The following PLEKHM3 variants were observed in gnomAD, a reference collection of about 807,000 sequenced individuals.
PLEKHM3 encodes the protein pleckstrin homology domain-containing family M member 3.
Under a neutral mutation model 81.8 loss-of-function variants are expected in PLEKHM3, and 45 were observed. That is an observed-to-expected ratio of 0.55 (90% CI 0.43 to 0.71). PLEKHM3 has a LOEUF of 0.71. Ranked by LOEUF, PLEKHM3 falls within the 30% of genes least tolerant of loss-of-function variation. The pLI is 0.00. For missense variants in PLEKHM3, 788 were observed against 924.3 expected (o/e 0.85, Z 1.91); for synonymous variants, 352 against 356.4 (o/e 0.99, Z 0.14).
At position 207,976,910 on chromosome 2, in the gene PLEKHM3, G is replaced by A. The variant is rs764743229; in HGVS notation, c.1287C>T (p.Phe429=). ...CTCGGAGGCGAAGGACATCCTGGGG[G>A]AAAATGACTTGAAAGCAAGAGTCGC... The part of the protein sequence containing the change: ...DGCDSCFQVI[F]PQDVLRLRAE... Residue 429 remains phenylalanine, a synonymous_variant, in exon 3 of 8, where the codon TTC becomes TTT. Transcript: ENST00000427836. The surrounding 1 kb of genome is among the most constrained non-coding windows in gnomAD (Gnocchi z 4.1). The A allele has an allele frequency of 5.6e-6, 9 of 1,614,112 alleles. No individual in the cohort carries two copies. The highest frequency in any genetic ancestry group is 6.8e-6 in the Non-Finnish European group (8 of 1,180,050).
rs1348965537 is a variant in PLEKHM3 at position 207,843,718 on chromosome 2, T to A, written c.2109-15222A>T. ...AATTTGAAGATTTTCTTTCCAATCA[T>A]TGATATAAATTGCTTTTCCCCCAGT... is the stretch of plus-strand genomic sequence containing the variant. On this transcript the variant is annotated intron_variant, in intron 7 of 7. Coordinates refer to ENST00000427836, the MANE Select transcript of PLEKHM3 (RefSeq NM_001080475.3). The surrounding 1 kb of genome is among the most constrained non-coding windows in gnomAD (Gnocchi z 4.4). 6.6e-6 allele frequency among the ~76,000 whole-genome samples: 1 copy of A among 152,182 alleles called. No homozygotes were observed. Among genetic ancestry groups the A allele is most frequent in the African/African-American group, 2.4e-5 (1 of 41,436 alleles).
At chr2:208,016,093 C>A (rs1035680214) in intron 1 of PLEKHM3, among the ~76,000 whole-genome samples, 1 of 152,048 alleles carries the variant, frequency 6.6e-6, no homozygotes, top group Non-Finnish European at 1.5e-5. Context: ...ACTCGGGAGG[C>A]TGAGGCAGGA....
chr2:207,945,899 TAAA>T (rs748754872), intron 4 of PLEKHM3, among the ~76,000 whole-genome samples: 1 of 124,056 alleles, frequency 8.1e-6, no homozygotes, highest in African/African-American at 3.0e-5. Context: ...AGACAATGTC[TAAA>T]AAAAAAAAAG....
At chr2:207,895,028 T>C (rs1270984812) in intron 6 of PLEKHM3, among the ~76,000 whole-genome samples, 1 of 152,102 alleles carries the variant, frequency 6.6e-6, no homozygotes, top group Non-Finnish European at 1.5e-5. Flanking sequence ...TAAAAGTGAG[T>C]AACATTTTTT....
chr2:207,974,802 C>T (rs1223354659), intron 3 of PLEKHM3, among the ~76,000 whole-genome samples: 1 of 151,804 alleles, frequency 6.6e-6, no homozygotes, highest in African/African-American at 2.4e-5. Context: ...TCTTTCATAC[C>T]TACAGATACA....
At position 207,949,221 on chromosome 2, in the gene PLEKHM3, C is replaced by T. The variant is rs916761908; in HGVS notation, c.1547-2709G>A. 7.2e-4 allele frequency among the ~76,000 whole-genome samples: 109 copies of T among 152,178 alleles called. 5 individuals are homozygous for T. The highest frequency in any genetic ancestry group is 1.5e-5 in the Non-Finnish European group (1 of 68,032). On this transcript the variant is annotated intron_variant, in intron 3 of 7. Transcript: ENST00000427836. Reference sequence around the variant, plus strand: ...TCGCTGTTAAAATATGTTGCCCATTCTAAGAACTATATATTACCCATGTTC... The same window carrying T: ...TCGCTGTTAAAATATGTTGCCCATTTTAAGAACTATATATTACCCATGTTC...
intron 1 of PLEKHM3, among the ~76,000 whole-genome samples, chr2:208,009,001 G>A (rs1222544935): frequency 3.9e-5 from 6 of 152,168 alleles, no homozygotes; most frequent in African/African-American, 1.4e-4. Context: ...GGCTTACTAA[G>A]CTCCATTTGT....
intron 7 of PLEKHM3, among the ~76,000 whole-genome samples, chr2:207,853,273 C>A (rs1293804786): frequency 2.6e-5 from 4 of 151,746 alleles, no homozygotes; most frequent in African/African-American, 9.7e-5. Context: ...CAAAATTAGC[C>A]GAGTGTCTTG....
intron 7 of PLEKHM3, among the ~76,000 whole-genome samples, chr2:207,856,312 A>G (rs2092437433): frequency 6.6e-6 from 1 of 152,184 alleles, no homozygotes; most frequent in Admixed American, 6.5e-5. Flanking sequence ...CAATATCGAT[A>G]TATCATTATT....
chr2:207,953,436 T>G (rs567309855), intron 3 of PLEKHM3, among the ~76,000 whole-genome samples: 3 of 152,310 alleles, frequency 2.0e-5, no homozygotes, highest in Admixed American at 2.0e-4. Context: ...CTACAAATTT[T>G]ATAGCAGTGA....
intron 5 of PLEKHM3, among the ~76,000 whole-genome samples, chr2:207,921,351 T>A (rs1689176931): frequency 6.6e-6 from 1 of 152,122 alleles, no homozygotes; most frequent in Non-Finnish European, 1.5e-5. Context: ...CTGGCCTCTC[T>A]TCTTTTAAAA....
At chr2:207,920,654 T>A (rs1689150625) in intron 5 of PLEKHM3, among the ~76,000 whole-genome samples, 1 of 78,768 alleles carries the variant, frequency 1.3e-5, no homozygotes. Flanking sequence ...AGTTTGCCTA[T>A]TTTTTTTTTT....
intron 7 of PLEKHM3, chr2:207,852,979 C>T (rs1314976830): frequency 2.7e-6 from 1 of 368,802 alleles, no homozygotes; most frequent in Non-Finnish European, 5.2e-6. Flanking sequence ...TCTGGGAGCT[C>T]CAGGTCCACC....
chr2:207,877,534 T>G (rs1181091431), intron 6 of PLEKHM3, among the ~76,000 whole-genome samples: 1 of 152,202 alleles, frequency 6.6e-6, no homozygotes, highest in Non-Finnish European at 1.5e-5. Context: ...GGATTTTACT[T>G]CGTTCCTCAC....
intron 6 of PLEKHM3, among the ~76,000 whole-genome samples, chr2:207,871,822 T>C (rs1304999128): frequency 6.6e-6 from 1 of 152,216 alleles, no homozygotes; most frequent in Non-Finnish European, 1.5e-5. Flanking sequence ...ATGAGGAAAA[T>C]AAACTACAGT....
chr2:207,938,607 G>A (rs2105954239), intron 4 of PLEKHM3, among the ~76,000 whole-genome samples: 1 of 152,092 alleles, frequency 6.6e-6, no homozygotes, highest in East Asian at 1.9e-4. Flanking sequence ...GCCAGACACT[G>A]GACTAAATGG....
chr2:208,006,897 G>A (rs1692510281), intron 1 of PLEKHM3, among the ~76,000 whole-genome samples: 1 of 152,200 alleles, frequency 6.6e-6, no homozygotes, highest in Admixed American at 6.5e-5. Context: ...AAACGAATCA[G>A]TGTATCGCTA....
At chr2:207,889,047 T>C (rs889716080) in intron 6 of PLEKHM3, among the ~76,000 whole-genome samples, 1 of 152,144 alleles carries the variant, frequency 6.6e-6, no homozygotes, top group Non-Finnish European at 1.5e-5. Flanking sequence ...TAAATCAACT[T>C]TTTTGGATCT....
chr2:207,967,078 G>T (rs1163212039), intron 3 of PLEKHM3, among the ~76,000 whole-genome samples: 1 of 152,064 alleles, frequency 6.6e-6, no homozygotes, highest in African/African-American at 2.4e-5. Context: ...GGAACTCCTG[G>T]GCTCAAATAA....
Sources: gnomAD v4.1 joint callset for allele counts (sites outside exome capture counted in the v4.1 genomes callset) on GRCh38, gnomAD v4.1.1 for gene constraint, Gnocchi (gnomAD v3.1) non-coding constraint, MANE v1.5 for transcripts, NCBI Gene and HGNC (gene_info 2026-07-23, HGNC 2026-07-21) for gene names.